The following LMO7 variants were observed in gnomAD, a reference collection of about 807,000 sequenced individuals.
LMO7 encodes LIM domain only protein 7.
LMO7 carries 120 observed loss-of-function variants against 206.5 expected under a neutral mutation model. That is an observed-to-expected ratio of 0.58 (90% confidence interval 0.50 to 0.68). The LOEUF (loss-of-function observed/expected upper bound fraction) is 0.68, where lower values mean the gene tolerates loss of function less well. LMO7 is among the 30% of genes least tolerant of loss of function. LMO7 has a pLI of 0.00. For missense variants in LMO7, 1,959 were observed against 1,957.9 expected (o/e 1.00, Z -0.01); for synonymous variants, 706 against 681.5 (o/e 1.04, Z -0.56).
intron 1 of LMO7, among the ~76,000 whole-genome samples, chr13:75,710,728 A>G (rs915263454): frequency 3.3e-5 from 5 of 151,938 alleles, no homozygotes; most frequent in African/African-American, 4.8e-5. Context: ...TAGATATACA[A>G]TCATGTCATC....
At chr13:75,742,920 A>G (rs2046527655) in intron 3 of LMO7, among the ~76,000 whole-genome samples, 1 of 152,248 alleles carries the variant, frequency 6.6e-6, no homozygotes, top group South Asian at 2.1e-4. Context: ...AGGAACTATC[A>G]ACAGAGTAAA....
Position 75,842,874 on chromosome 13 carries a change from C to A in LMO7, c.4055C>A (p.Pro1352Gln). The change falls in exon 25 of 31, where the codon CCA becomes CAA. Residue 1352 changes from proline to glutamine, a missense_variant. Pro to Gln is a moderately conservative substitution (Grantham distance 76). Transcript: ENST00000377534. The part of the protein sequence containing the change: ...YRRPVDSYDI[P>Q]KTEEASSGFL... ...AGGCCTGTTGATTCCTATGATATAC[C>A]AAAGACAGAAGAAGCATCTTCAGGT... The A allele has an allele frequency of 6.2e-7, 1 of 1,607,738 alleles. No individual in the cohort carries two copies. Among genetic ancestry groups the A allele is most frequent in the Non-Finnish European group, 8.5e-7 (1 of 1,174,710 alleles).
intron 1 of LMO7, among the ~76,000 whole-genome samples, chr13:75,710,917 A>G (rs527910481): frequency 1.3e-5 from 2 of 152,040 alleles, no homozygotes; most frequent in East Asian, 3.9e-4. Flanking sequence ...CCCATTCATT[A>G]TGATATTGTC....
At chr13:75,771,096 T>C (rs2049592205) in intron 4 of LMO7, among the ~76,000 whole-genome samples, 1 of 152,140 alleles carries the variant, frequency 6.6e-6, no homozygotes, top group South Asian at 2.1e-4. Flanking sequence ...GAATGCCTTA[T>C]TTGATATGTG....
At chr13:75,684,852 C>A (rs963270320) in intron 1 of LMO7, among the ~76,000 whole-genome samples, 1 of 147,828 alleles carries the variant, frequency 6.8e-6, no homozygotes, top group Non-Finnish European at 1.5e-5. Flanking sequence ...CACACACACA[C>A]AGTTTGCTCA....
rs747843220 is a variant in LMO7 at position 75,740,071 on chromosome 13, G to A, written c.210+12973G>A. Among the ~76,000 whole-genome samples, 10 of 152,274 alleles carry A rather than the reference G, an allele frequency of 6.6e-5. No homozygotes were observed. The East Asian group carries it at 7.7e-4, about 12-fold the overall frequency. ...GTAGCACTTTTCTGAGTAGGAGGCC[G>A]GAATGAATTTTGTATGGTTGAAGAG... On this transcript the variant is annotated intron_variant, in intron 3 of 30. Coordinates refer to ENST00000377534, the MANE Select transcript of LMO7 (RefSeq NM_001306080.2).
At chr13:75,775,531 A>G (rs994018977) in intron 4 of LMO7, among the ~76,000 whole-genome samples, 12 of 152,130 alleles carry the variant, frequency 7.9e-5, no homozygotes, top group Non-Finnish European at 1.6e-4. Context: ...GAGTAAATGT[A>G]TAATCTAAAA....
At chr13:75,635,222 GAAC>G (rs938124989), upstream of LMO7, among the ~76,000 whole-genome samples, 3 of 152,094 alleles carry the variant, frequency 2.0e-5, no homozygotes, top group African/African-American at 7.2e-5. Flanking sequence ...AGAAAAATAA[GAAC>G]AAGAGTTTGC....
intron 15 of LMO7, among the ~76,000 whole-genome samples, chr13:75,832,148 A>G (rs2058722511): frequency 6.6e-6 from 1 of 152,208 alleles, no homozygotes. Context: ...ATTAAAATCT[A>G]TCTGTTGCTT....
At chr13:75,708,897 T>G (rs1244450482) in intron 1 of LMO7, among the ~76,000 whole-genome samples, 2 of 152,198 alleles carry the variant, frequency 1.3e-5, no homozygotes, top group Non-Finnish European at 2.9e-5. Flanking sequence ...GCTGCAGCCA[T>G]CAGCTCGTCA....
chr13:75,737,792 A>AAACAAC (rs1555305784), intron 3 of LMO7, among the ~76,000 whole-genome samples: 2 of 125,802 alleles, frequency 1.6e-5, no homozygotes, highest in African/African-American at 6.2e-5. Context: ...TAAAAAAAAA[A>AAACAAC]AAAAAAAAAC....
intron 4 of LMO7, among the ~76,000 whole-genome samples, chr13:75,764,219 C>G (rs976190446): frequency 6.6e-6 from 1 of 150,944 alleles, no homozygotes; most frequent in African/African-American, 2.4e-5. Flanking sequence ...ATGATTTAGT[C>G]TCCATGAATG....
intron 3 of LMO7, among the ~76,000 whole-genome samples, chr13:75,755,433 A>G (rs999900472): frequency 2.6e-5 from 4 of 151,738 alleles, no homozygotes; most frequent in African/African-American, 9.7e-5. Context: ...ATTTATCTGG[A>G]TGCCAGGTAT....
At chr13:75,671,805 A>G (rs548238027) in intron 1 of LMO7, among the ~76,000 whole-genome samples, 2 of 152,206 alleles carry the variant, frequency 1.3e-5, no homozygotes, top group Middle Eastern at 3.4e-3. Context: ...ATCTCAGGTC[A>G]TCTCTGGAGC....
At position 75,666,933 on chromosome 13, in the gene LMO7, C is replaced by T. The variant is rs556820569; in HGVS notation, c.69+30207C>T. Reference sequence around the variant, plus strand: ...ACTTGTTGGGAGAGATGTGGTGGCTCAAATAGATCTAAAGGAGGTAGAATC... The same window carrying T: ...ACTTGTTGGGAGAGATGTGGTGGCTTAAATAGATCTAAAGGAGGTAGAATC... On this transcript the variant is annotated intron_variant, in intron 1 of 30. Coordinates refer to ENST00000377534, the MANE Select transcript of LMO7 (RefSeq NM_001306080.2). Among the ~76,000 whole-genome samples the T allele has an allele frequency of 2.6e-5, 4 of 151,998 alleles. No individual in the cohort carries two copies. In the East Asian group the frequency reaches 5.8e-4, roughly 22 times the overall value.
At chr13:75,750,069 C>A (rs1385202249) in intron 3 of LMO7, among the ~76,000 whole-genome samples, 1 of 151,168 alleles carries the variant, frequency 6.6e-6, no homozygotes, top group Non-Finnish European at 1.5e-5. Context: ...AAAAAAAAAA[C>A]CAGTGCTGGC....
At chr13:75,647,976 G>T (rs1235800833) in intron 1 of LMO7, among the ~76,000 whole-genome samples, 2 of 35,594 alleles carry the variant, frequency 5.6e-5, no homozygotes, top group East Asian at 2.9e-3. Context: ...TTTTGAGACA[G>T]GGTCTCCACC....
At chr13:75,755,834 G>A (rs1472920358) in intron 3 of LMO7, among the ~76,000 whole-genome samples, 1 of 152,166 alleles carries the variant, frequency 6.6e-6, no homozygotes, top group Non-Finnish European at 1.5e-5. Context: ...CTACTGGGGA[G>A]ATTCCATTCT....
upstream of LMO7, among the ~76,000 whole-genome samples, chr13:75,633,132 G>A (rs2035215277): frequency 6.6e-6 from 1 of 151,954 alleles, no homozygotes; most frequent in African/African-American, 2.4e-5. Flanking sequence ...CAAAGCGCTG[G>A]GATTACAGGT....
Sources: allele counts gnomAD v4.1 joint callset (sites outside exome capture counted in the v4.1 genomes callset), GRCh38; gene constraint gnomAD v4.1.1; transcripts MANE v1.5; gene names NCBI Gene and HGNC (gene_info 2026-07-23, HGNC 2026-07-21).